The following MED26 variants were observed in gnomAD, a reference collection of about 807,000 sequenced individuals.
MED26 encodes mediator of RNA polymerase II transcription subunit 26.
Under a neutral mutation model 43.7 loss-of-function variants are expected in MED26, and 7 were observed. That is an observed-to-expected ratio of 0.16 (90% CI 0.09 to 0.30). The LOEUF is 0.30. Ranked by LOEUF, MED26 falls within the 10% of genes least tolerant of loss-of-function variation. MED26 has a pLI of 1.00. For synonymous variants in MED26, 375 were observed against 371.1 expected, an observed-to-expected ratio of 1.01 and a Z score of -0.12; for missense variants, 784 against 840.6, an observed-to-expected ratio of 0.93 and a Z score of 0.83.
intron 1 of MED26, among the ~76,000 whole-genome samples, chr19:16,606,020 C>G (rs1265690872): frequency 6.6e-6 from 1 of 152,224 alleles, no homozygotes; most frequent in Non-Finnish European, 1.5e-5. Flanking sequence ...AAAACTGAGG[C>G]CTGGCAAGGG....
In MED26 at chr19:16,586,436, C is replaced by T. The variant is rs975757431; in HGVS notation, c.73-8027G>A. ...GGTGAAGGGTACCAGGTGCCACCAG[C>T]CTGTGGTGATGTCGGCACTCTGTAA... On this transcript the variant is annotated intron_variant, in intron 1 of 2. Transcript: ENST00000263390. The surrounding 1 kb of genome is among the most constrained non-coding windows in gnomAD (Gnocchi z 5.1). 2.0e-5 allele frequency among the ~76,000 whole-genome samples: 3 copies of T among 152,230 alleles called. No individual in the cohort carries two copies. The highest frequency in any genetic ancestry group is 6.5e-5 in the Admixed American group (1 of 15,292).
chr19:16,592,791 T>G (rs984170587), intron 1 of MED26, among the ~76,000 whole-genome samples: 1 of 152,224 alleles, frequency 6.6e-6, no homozygotes, highest in Non-Finnish European at 1.5e-5. Flanking sequence ...TGACCAGTTA[T>G]TGCAACTGGG....
At chr19:16,621,296 T>C (rs1210989788) in intron 1 of MED26, among the ~76,000 whole-genome samples, 2 of 152,144 alleles carry the variant, frequency 1.3e-5, no homozygotes, top group Non-Finnish European at 2.9e-5. Flanking sequence ...TAGAAGTAAT[T>C]CAAAGAAGCA....
chr19:16,626,889 G>C (rs2086279033), intron 1 of MED26, among the ~76,000 whole-genome samples: 1 of 151,998 alleles, frequency 6.6e-6, no homozygotes. Context: ...AACTCTTGGA[G>C]AAAATATGAG....
At chr19:16,580,147 C>T (rs1259137945) in intron 1 of MED26, among the ~76,000 whole-genome samples, 1 of 152,242 alleles carries the variant, frequency 6.6e-6, no homozygotes, top group Non-Finnish European at 1.5e-5. Flanking sequence ...ACCTCACCCC[C>T]AGGGAGGCTG....
chr19:16,593,288 C>G (rs2086106344), intron 1 of MED26, among the ~76,000 whole-genome samples: 1 of 152,212 alleles, frequency 6.6e-6, no homozygotes, highest in Non-Finnish European at 1.5e-5. Flanking sequence ...CAAGCCCTTT[C>G]CAGCAAGGGA....
At chr19:16,605,659 G>A (rs915255614) in intron 1 of MED26, among the ~76,000 whole-genome samples, 2 of 152,226 alleles carry the variant, frequency 1.3e-5, no homozygotes, top group Non-Finnish European at 2.9e-5. Flanking sequence ...GGCGGCACTA[G>A]AGGAAAGGAG....
rs911370539 is a variant in MED26 at position 16,587,779 on chromosome 19, C to A, written c.73-9370G>T. 6.6e-6 allele frequency: 1 copy of A among 152,286 alleles called. No individual in the cohort carries two copies. The highest frequency in any genetic ancestry group is 1.5e-5 in the Non-Finnish European group (1 of 68,096). 9.4% of individuals were successfully genotyped at this position (152,286 alleles called of 1,614,324 possible). Reference sequence around the variant, plus strand: ...TGCAATTGCATGCTACAACTCAGCCCGGGGGACGGGAAATGCCACCTGAGT... The same window carrying A: ...TGCAATTGCATGCTACAACTCAGCCAGGGGGACGGGAAATGCCACCTGAGT... On this transcript the variant is annotated intron_variant, in intron 1 of 2. Transcript: ENST00000263390. The surrounding 1 kb of genome is among the most constrained non-coding windows in gnomAD (Gnocchi z 4.9).
chr19:16,612,581 T>C (rs900403507), intron 1 of MED26, among the ~76,000 whole-genome samples: 2 of 152,180 alleles, frequency 1.3e-5, no homozygotes, highest in African/African-American at 2.4e-5. Flanking sequence ...CCACCATGCC[T>C]AGCCACAATT....
At position 16,577,248 on chromosome 19, in the gene MED26, G is replaced by A. The variant is rs760774365; in HGVS notation, c.582C>T (p.Ser194=). The A allele has an allele frequency of 7.4e-6, 12 of 1,613,068 alleles. No homozygotes were observed. In the Admixed American group the frequency reaches 1.3e-4, roughly 18 times the overall value. Residue 194 remains serine, a synonymous_variant, in exon 3 of 3, where the codon AGC becomes AGT. Transcript: ENST00000263390. The surrounding 1 kb of genome is among the most constrained non-coding windows in gnomAD (Gnocchi z 8.1). ...GISGSPESFA[S]SLDGSGHAGP... ...CTGCATGCCCACTGCCATCCAGGGA[G>A]CTGGCGAAGCTCTCTGGACTCCCAC...
At chr19:16,612,410 G>A (rs963316959) in intron 1 of MED26, among the ~76,000 whole-genome samples, 4 of 151,072 alleles carry the variant, frequency 2.6e-5, no homozygotes, top group Admixed American at 6.6e-5. Flanking sequence ...TCAGCCTCCC[G>A]AGTAGCTGGG....
At position 16,576,631 on chromosome 19, in the gene MED26, C is replaced by T. The variant is rs185281264; in HGVS notation, c.1199G>A (p.Arg400Gln). 14 of 1,614,106 alleles carry T rather than the reference C, an allele frequency of 8.7e-6. No individual in the cohort carries two copies. Among genetic ancestry groups the T allele is most frequent in the African/African-American group, 8.0e-5 (6 of 74,954 alleles). The part of the protein sequence containing the change: ...DSKKKKRYRP[R>Q]DYTVNLDGQV... Reference sequence around the variant, plus strand: ...CCCGTCCAAGTTAACCGTATAGTCTCGAGGTCGGTACCTCTTCTTCTTTTT... The same window carrying T: ...CCCGTCCAAGTTAACCGTATAGTCTTGAGGTCGGTACCTCTTCTTCTTTTT... Residue 400 changes from arginine (R) to glutamine (Q), a missense_variant, in exon 3 of 3, where the codon CGA becomes CAA. Around this residue, in one of 3 missense-constraint regions of MED26, gnomAD observed 719 missense variants for 730.9 expected, o/e 0.98. Transcript: ENST00000263390. The surrounding 1 kb of genome is among the most constrained non-coding windows in gnomAD (Gnocchi z 6.8).
At chr19:16,625,408 C>T (rs572371709) in intron 1 of MED26, among the ~76,000 whole-genome samples, 40 of 152,284 alleles carry the variant, frequency 2.6e-4, no homozygotes, top group African/African-American at 8.4e-4. Flanking sequence ...TTCCTGACAC[C>T]GATTTTGCAA....
chr19:16,622,610 C>T (rs979865724), intron 1 of MED26, among the ~76,000 whole-genome samples: 3 of 152,294 alleles, frequency 2.0e-5, no homozygotes, highest in East Asian at 3.9e-4. Flanking sequence ...TGGGTGCTAG[C>T]GAGACCACAC....
At chr19:16,605,543 C>T (rs2086168658) in intron 1 of MED26, among the ~76,000 whole-genome samples, 1 of 152,186 alleles carries the variant, frequency 6.6e-6, no homozygotes. Context: ...GTAGGATTGG[C>T]CAGGCTGCCC....
At chr19:16,585,255 C>T (rs1039195490) in intron 1 of MED26, among the ~76,000 whole-genome samples, 4 of 152,280 alleles carry the variant, frequency 2.6e-5, no homozygotes, top group Middle Eastern at 3.4e-3. Flanking sequence ...GGTGTCCTCA[C>T]GCCTCTCTTC....
chr19:16,581,452 C>T (rs1179070452), intron 1 of MED26, among the ~76,000 whole-genome samples: 1 of 152,236 alleles, frequency 6.6e-6, no homozygotes, highest in Non-Finnish European at 1.5e-5. Context: ...CACATGGCTT[C>T]ACCTCCACCC....
chr19:16,579,478 T>TG (rs761306429), intron 1 of MED26, among the ~76,000 whole-genome samples: 40 of 152,234 alleles, frequency 2.6e-4, no homozygotes, highest in Non-Finnish European at 4.6e-4. Context: ...GAGTGAAGCA[T>TG]GAACACATCC....
intron 1 of MED26, among the ~76,000 whole-genome samples, chr19:16,580,436 T>G (rs969863378): frequency 8.6e-5 from 13 of 151,970 alleles, no homozygotes; most frequent in Non-Finnish European, 5.9e-5. Flanking sequence ...TGGCACGATC[T>G]CGGCTCACTG....
Sources: allele counts gnomAD v4.1 joint callset (sites outside exome capture counted in the v4.1 genomes callset), GRCh38; gene constraint gnomAD v4.1.1; regional missense constraint gnomAD v4.1.1; non-coding constraint Gnocchi (gnomAD v3.1); transcripts MANE v1.5; gene names NCBI Gene and HGNC (gene_info 2026-07-23, HGNC 2026-07-21).